The following BNC2 variants were observed in gnomAD, a reference collection of about 807,000 sequenced individuals.
The protein encoded by BNC2 is basonuclin zinc finger protein 2.
In BNC2, 20 loss-of-function variants were observed where a neutral mutation model predicts 76.3. The observed-to-expected ratio is 0.26, with a 90% CI of 0.18 to 0.38. The LOEUF is 0.38. Among genes scored for constraint, BNC2 ranks in the 10% least tolerant of loss-of-function variants. The pLI, the probability that BNC2 is intolerant of heterozygous loss-of-function variation, is 1.00. For synonymous variants in BNC2, 582 were observed against 514.8 expected, an observed-to-expected ratio of 1.13 and a Z score of -1.77; for missense variants, 1,382 against 1,399.8, an observed-to-expected ratio of 0.99 and a Z score of 0.20.
intron 2 of BNC2, 123 bp from the exon 3 acceptor site, chr9:16,728,120 G>A (rs1824404223): frequency 1.6e-6 from 1 of 644,594 alleles, no homozygotes; most frequent in Non-Finnish European, 2.8e-6. Context: ...GGAGGGAGGG[G>A]GTCAGAGCTT....
At chr9:16,445,933 G>C (rs916477722) in intron 5 of BNC2, among the ~76,000 whole-genome samples, 2 of 152,176 alleles carry the variant, frequency 1.3e-5, no homozygotes. Flanking sequence ...TGCCCAAGGG[G>C]AAATGAATGC....
chr9:16,869,571 C>T (rs1035438563), intron 1 of BNC2, among the ~76,000 whole-genome samples: 2 of 152,126 alleles, frequency 1.3e-5, no homozygotes, highest in African/African-American at 2.4e-5. Flanking sequence ...TCATATGTTC[C>T]CTCTATATAC....
Position 16,541,203 on chromosome 9 carries a change from C to T in BNC2, c.669+11327G>A, listed in dbSNP as rs575778610. Among the ~76,000 whole-genome samples, 8 of 152,272 alleles carry T rather than the reference C, an allele frequency of 5.3e-5. 1 individual carries two copies. The highest frequency in any genetic ancestry group is 4.1e-4 in the South Asian group (2 of 4,832). On this transcript the variant is annotated intron_variant, in intron 5 of 6. Transcript: ENST00000380672. Reference sequence around the variant, plus strand: ...CTAAGAGACCACAATTTGAATCCAACGGAAAGTCACCAGAGAATCAATGGA... The same window carrying T: ...CTAAGAGACCACAATTTGAATCCAATGGAAAGTCACCAGAGAATCAATGGA...
chr9:16,552,484 C>A, intron 5 of BNC2, 46 bp downstream of exon 5: 5 of 1,554,522 alleles, frequency 3.2e-6, no homozygotes, highest in East Asian at 2.3e-5. Flanking sequence ...CCTTCCCCAC[C>A]CACAGTCGGC....
chr9:16,464,296 C>G (rs1821657305), intron 5 of BNC2, among the ~76,000 whole-genome samples: 1 of 152,074 alleles, frequency 6.6e-6, no homozygotes, highest in Non-Finnish European at 1.5e-5. Flanking sequence ...AGGCCAATGT[C>G]TGGACATCTG....
At chr9:16,735,376 T>C (rs1267782752) in intron 2 of BNC2, among the ~76,000 whole-genome samples, 1 of 139,986 alleles carries the variant, frequency 7.1e-6, no homozygotes, top group African/African-American at 2.7e-5. Flanking sequence ...GAACCAGTGA[T>C]GGCTTTACTT....
rs1186167331 is a variant in BNC2 at position 16,639,441 on chromosome 9, T to C, written c.331-56356A>G. On this transcript the variant is annotated intron_variant, in intron 3 of 6. Transcript: ENST00000380672. ...TGTATTTCAAAAATGATTTCAAGTT[T>C]TAAGAAATAATTGCAATCTCAATAC... Among the ~76,000 whole-genome samples, 6 of 152,350 alleles carry C rather than the reference T, an allele frequency of 3.9e-5. No individual in the cohort carries two copies. The East Asian group carries it at 5.8e-4, about 15-fold the overall frequency.
chr9:16,789,854 T>G (rs1817450873), intron 1 of BNC2, among the ~76,000 whole-genome samples: 1 of 152,226 alleles, frequency 6.6e-6, no homozygotes, highest in African/African-American at 2.4e-5. Context: ...GGAATAAATG[T>G]TTCTTAAAGG....
At chr9:16,629,127 A>C (rs886136092) in intron 3 of BNC2, among the ~76,000 whole-genome samples, 2 of 152,192 alleles carry the variant, frequency 1.3e-5, no homozygotes, top group African/African-American at 2.4e-5. Context: ...AGAGAAGTCA[A>C]ATGTAAGGAC....
chr9:16,740,897 C>A (rs985105648), intron 1 of BNC2, among the ~76,000 whole-genome samples: 1 of 151,662 alleles, frequency 6.6e-6, no homozygotes, highest in African/African-American at 2.4e-5. Flanking sequence ...GTAAGAGATA[C>A]AGAAAAAAAA....
At chr9:16,445,087 CA>C (rs927237757) in intron 5 of BNC2, among the ~76,000 whole-genome samples, 2 of 151,762 alleles carry the variant, frequency 1.3e-5, no homozygotes, top group Admixed American at 6.6e-5. Flanking sequence ...AATGGCCACA[CA>C]AAAAAAATTC....
chr9:16,688,978 A>T (rs1204962527), intron 3 of BNC2, among the ~76,000 whole-genome samples: 1 of 152,148 alleles, frequency 6.6e-6, no homozygotes, highest in Non-Finnish European at 1.5e-5. Context: ...TATGACAAGT[A>T]TAAAGGCCTC....
rs552303663 is a variant in BNC2 at position 16,785,733 on chromosome 9, A to G, written c.4-47248T>C. On this transcript the variant is annotated intron_variant, in intron 1 of 6. Transcript: ENST00000380672. The stretch of plus-strand genomic sequence containing the variant: ...GAATGGATGCAGGCTGGGCGCATCC[A>G]TTCTTGAGTAAATCAGTGAACCAAG... 1.5e-4 allele frequency among the ~76,000 whole-genome samples: 22 copies of G among 151,040 alleles called. No homozygotes were observed. The East Asian group carries it at 4.1e-3, about 28-fold the overall frequency.
At chr9:16,613,604 G>C (rs1453721422) in intron 3 of BNC2, among the ~76,000 whole-genome samples, 1 of 152,102 alleles carries the variant, frequency 6.6e-6, no homozygotes, top group Non-Finnish European at 1.5e-5. Flanking sequence ...GAGATTGTGC[G>C]CAAGAAGATC....
At chr9:16,832,318 T>A in intron 1 of BNC2, 1 of 1,269,946 alleles carries the variant, frequency 7.9e-7, no homozygotes, top group Non-Finnish European at 1.0e-6. Flanking sequence ...AAAGAAGCCA[T>A]GAAGCACAGA....
chr9:16,575,678 G>C (rs1399147088), intron 4 of BNC2, among the ~76,000 whole-genome samples: 2 of 152,168 alleles, frequency 1.3e-5, no homozygotes, highest in African/African-American at 4.8e-5. Context: ...GAGAGAGGCA[G>C]AAGAGGGCAC....
At chr9:16,783,442 T>C (rs1826205196) in intron 1 of BNC2, among the ~76,000 whole-genome samples, 1 of 152,362 alleles carries the variant, frequency 6.6e-6, no homozygotes, top group South Asian at 2.1e-4. Context: ...AGATAAATTA[T>C]GCAAATCACA....
chr9:16,594,510 T>C (rs1205557979), intron 3 of BNC2, among the ~76,000 whole-genome samples: 1 of 152,126 alleles, frequency 6.6e-6, no homozygotes, highest in African/African-American at 2.4e-5. Context: ...TTTAACTAAA[T>C]TTACTCCTCT....
intron 5 of BNC2, among the ~76,000 whole-genome samples, chr9:16,535,256 A>G (rs1386468893): frequency 6.6e-6 from 1 of 152,228 alleles, no homozygotes. Flanking sequence ...GCTGATGGTA[A>G]AGAAAGCACT....
Sources: allele counts gnomAD v4.1 joint callset (sites outside exome capture counted in the v4.1 genomes callset), GRCh38; gene constraint gnomAD v4.1.1; transcripts MANE v1.5; gene names NCBI Gene and HGNC (gene_info 2026-07-23, HGNC 2026-07-21).